ACOT7: variants seen among roughly 807,000 people sequenced by gnomAD.
ACOT7 encodes cytosolic acyl coenzyme A thioester hydrolase.
Under a neutral mutation model 40.2 loss-of-function variants are expected in ACOT7, and 12 were observed. The observed-to-expected ratio is 0.30, with a 90% confidence interval of 0.19 to 0.48. The LOEUF (loss-of-function observed/expected upper bound fraction) is 0.48, where lower values mean the gene tolerates loss of function less well. Ranked by LOEUF, ACOT7 falls within the 20% of genes least tolerant of loss-of-function variation. ACOT7 has a pLI of 0.99. For synonymous variants in ACOT7, 228 were observed against 219.5 expected (o/e 1.04, Z -0.34); for missense variants, 395 against 530.8 (o/e 0.74, Z 2.51).
At chr1:6,365,765 C>G (rs543355055) in intron 1 of ACOT7, among the ~76,000 whole-genome samples, 1 of 6,136 alleles carries the variant, frequency 1.6e-4, no homozygotes, top group African/African-American at 7.6e-4. Flanking sequence ...AAGACCCCAT[C>G]TCAAAAAAAA....
intron 2 of ACOT7, among the ~76,000 whole-genome samples, chr1:6,343,393 G>A (rs951664867): frequency 6.6e-6 from 1 of 152,212 alleles, no homozygotes; most frequent in African/African-American, 2.4e-5. Flanking sequence ...CCCTTTCCCA[G>A]GTGACTCTCC....
intron 8 of ACOT7, among the ~76,000 whole-genome samples, chr1:6,267,695 T>A (rs575392439): frequency 3.0e-4 from 46 of 152,354 alleles, no homozygotes; most frequent in African/African-American, 9.9e-4. Context: ...ATCCCTTTCA[T>A]AAGGAACCAA....
At chr1:6,376,952 A>G (rs1456166117) in intron 1 of ACOT7, among the ~76,000 whole-genome samples, 1 of 152,246 alleles carries the variant, frequency 6.6e-6, no homozygotes, top group African/African-American at 2.4e-5. Context: ...ATAAGAGGAT[A>G]TACAGACAGC....
chr1:6,382,827 C>G (rs898836817), intron 1 of ACOT7, among the ~76,000 whole-genome samples: 2 of 151,680 alleles, frequency 1.3e-5, no homozygotes, highest in African/African-American at 4.8e-5. Flanking sequence ...AAAACAAAAC[C>G]TGCCATCTTA....
chr1:6,384,996 A>G (rs1557676171), intron 1 of ACOT7, among the ~76,000 whole-genome samples: 2 of 151,970 alleles, frequency 1.3e-5, no homozygotes, highest in East Asian at 1.9e-4. Context: ...GAGTTTCTGT[A>G]AAGTTTAGGA....
rs376793853 is a variant in ACOT7 at position 6,264,606 on chromosome 1, A to C, written c.1104T>G (p.Pro368=). The C allele has an allele frequency of 1.2e-6, 2 of 1,611,978 alleles. No individual in the cohort carries two copies. Among genetic ancestry groups the C allele is most frequent in the Non-Finnish European group, 1.7e-6 (2 of 1,179,620 alleles). Residue 368 remains proline (P), a synonymous_variant, in exon 9 of 9, where the codon CCT becomes CCG. Coordinates refer to ENST00000361521, the MANE Select transcript of ACOT7 (RefSeq NM_007274.4). ...GGCAGGAGGAGGGAGTCTAGGGCTG[A>C]GGCTCCGCGTGGCCCTGTCGCTTCG... ...MKAKRQGHAE[P]QP
rs774183563 is a variant in ACOT7, at chr1:6,339,586, G to A, written c.265C>T (p.Arg89Cys). 1.4e-5 allele frequency: 23 copies of A among 1,612,578 alleles called. No homozygotes were observed. The East Asian group carries it at 2.5e-4, about 17-fold the overall frequency. ...TRHCNSQNGE[R>C]CVAALARVER... is the part of the protein sequence containing the mutation. ...ACACGAGCCAGGGCGGCCACACAGC[G>A]CTCCTGTGGAGACAGAGGCAGTTGT... Residue 89 changes from arginine to cysteine, a missense_variant, in exon 3 of 9, where the codon CGC becomes TGC. Arg to Cys is a radical substitution (Grantham distance 180). This residue lies in a region of ACOT7 where 309 missense variants were observed against 470.3 expected (regional missense o/e 0.66). Coordinates refer to ENST00000361521, the MANE Select transcript of ACOT7 (RefSeq NM_007274.4).
intron 5 of ACOT7, among the ~76,000 whole-genome samples, chr1:6,325,175 G>T (rs1640763904): frequency 6.6e-6 from 1 of 152,210 alleles, no homozygotes; most frequent in South Asian, 2.1e-4. Flanking sequence ...GAGGTGGGCG[G>T]ATCACGAGGT....
rs1252480226 is a variant in ACOT7, at chr1:6,378,443, C to T, written c.143+14814G>A. 1.3e-5 allele frequency among the ~76,000 whole-genome samples: 2 copies of T among 151,996 alleles called. 1 individual carries two copies. Among genetic ancestry groups the T allele is most frequent in the Non-Finnish European group, 2.9e-5 (2 of 67,928 alleles). ...CGTTGGGCCTTCTCCCAGTCCCGGG[C>T]TCATGGGCACACAGCCAGCAAGAGG... On this transcript the variant is annotated intron_variant, in intron 1 of 8. Coordinates refer to ENST00000361521, the MANE Select transcript of ACOT7 (RefSeq NM_007274.4).
At position 6,358,660 on chromosome 1, in the gene ACOT7, C is replaced by T. The variant is rs1010340004; in HGVS notation, c.144-8794G>A. Among the ~76,000 whole-genome samples the T allele has an allele frequency of 1.3e-5, 2 of 152,226 alleles. No homozygotes were observed. The highest frequency in any genetic ancestry group is 4.8e-5 in the African/African-American group (2 of 41,454). On this transcript the variant is annotated intron_variant, in intron 1 of 8. Coordinates refer to ENST00000361521, the MANE Select transcript of ACOT7 (RefSeq NM_007274.4). The surrounding 1 kb of genome is among the most constrained non-coding windows in gnomAD (Gnocchi z 4.1). ...CCTAATCTTGGGGGTCAGTAAGAGC[C>T]AGGCCAGGTGGGTGCCCTACTGCCC...
intron 5 of ACOT7, among the ~76,000 whole-genome samples, chr1:6,320,716 G>A (rs944633273): frequency 6.6e-6 from 1 of 152,142 alleles, no homozygotes; most frequent in Non-Finnish European, 1.5e-5. Context: ...GACAGGCTTG[G>A]TCATCTCTGT....
intron 1 of ACOT7, among the ~76,000 whole-genome samples, chr1:6,375,004 G>A (rs1422026573): frequency 6.6e-6 from 1 of 152,126 alleles, no homozygotes; most frequent in Non-Finnish European, 1.5e-5. Context: ...CAGGCCGGGC[G>A]CGGTGGCTCA....
intron 7 of ACOT7, 30 bp from the exon 8 acceptor site, chr1:6,281,316 C>A (rs370806018): frequency 6.3e-7 from 1 of 1,590,894 alleles, no homozygotes; most frequent in Non-Finnish European, 8.5e-7. Context: ...GGGGTCAGGG[C>A]GGCCTCCACC....
chr1:6,298,738 C>T (rs904266948), intron 6 of ACOT7, among the ~76,000 whole-genome samples: 2 of 152,192 alleles, frequency 1.3e-5, no homozygotes, highest in African/African-American at 4.8e-5. Flanking sequence ...CCAGGCTCTC[C>T]TGGTCTCTCT....
intron 8 of ACOT7, among the ~76,000 whole-genome samples, chr1:6,267,228 G>A (rs190091040): frequency 5.0e-4 from 76 of 152,354 alleles, no homozygotes; most frequent in Middle Eastern, 6.8e-3. Flanking sequence ...CTGGGAATGT[G>A]CAGATGTGGG....
chr1:6,366,820 T>G (rs181201906), intron 1 of ACOT7, among the ~76,000 whole-genome samples: 1 of 152,166 alleles, frequency 6.6e-6, no homozygotes, highest in East Asian at 1.9e-4. Flanking sequence ...CACACCAGGC[T>G]AATTTTTTGT....
intron 6 of ACOT7, among the ~76,000 whole-genome samples, chr1:6,300,131 T>C (rs1324382341): frequency 3.3e-5 from 5 of 152,132 alleles, no homozygotes; most frequent in African/African-American, 1.2e-4. Flanking sequence ...GCACTATATG[T>C]GGCCTTCCTC....
intron 6 of ACOT7, among the ~76,000 whole-genome samples, chr1:6,298,954 A>G (rs948680348): frequency 6.6e-6 from 1 of 152,158 alleles, no homozygotes; most frequent in African/African-American, 2.4e-5. Context: ...GTGGGCCCCT[A>G]CCACAGTGTG....
chr1:6,312,407 T>G (rs2148415242), intron 6 of ACOT7, among the ~76,000 whole-genome samples: 1 of 152,188 alleles, frequency 6.6e-6, no homozygotes, highest in African/African-American at 2.4e-5. Flanking sequence ...CCCCATGATG[T>G]GCTTTCTTTC....
Sources: gnomAD v4.1 joint callset for allele counts (sites outside exome capture counted in the v4.1 genomes callset) on GRCh38, gnomAD v4.1.1 for gene constraint, gnomAD v4.1.1 regional missense constraint, Gnocchi (gnomAD v3.1) non-coding constraint, MANE v1.5 for transcripts, NCBI Gene and HGNC (gene_info 2026-07-23, HGNC 2026-07-21) for gene names.